RIMS2: variants seen among roughly 807,000 people sequenced by gnomAD.
RIMS2 encodes the protein regulating synaptic membrane exocytosis 2.
In RIMS2, 59 loss-of-function variants were observed where a neutral mutation model predicts 174.4. The ratio of observed to expected loss-of-function variants is 0.34; its 90% CI spans 0.27 to 0.42. The LOEUF (loss-of-function observed/expected upper bound fraction) is 0.42, where lower values mean the gene tolerates loss of function less well. RIMS2 is among the 10% of genes least tolerant of loss of function. RIMS2 has a pLI of 1.00. For missense variants in RIMS2, 1,620 were observed against 1,666.3 expected (o/e 0.97, Z 0.48); for synonymous variants, 606 against 572.5 (o/e 1.06, Z -0.84).
chr8:104,209,430 G>A (rs145922196), intron 19 of RIMS2, among the ~76,000 whole-genome samples: 347 of 152,254 alleles, frequency 2.3e-3, no homozygotes, highest in Non-Finnish European at 3.4e-3. Context: ...AAGGCAATAG[G>A]CTTAGAGGAA....
intron 4 of RIMS2, among the ~76,000 whole-genome samples, chr8:103,907,720 TG>T (rs1442037685): frequency 6.6e-6 from 1 of 151,700 alleles, no homozygotes; most frequent in Non-Finnish European, 1.5e-5. Context: ...TTGAATTTTT[TG>T]TTTTTTTTAT....
chr8:103,537,603 T>C (rs1303109111), intron 1 of RIMS2, among the ~76,000 whole-genome samples: 1 of 152,076 alleles, frequency 6.6e-6, no homozygotes, highest in African/African-American at 2.4e-5. Context: ...TTATATAAAA[T>C]GAGGATAATA....
At chr8:103,999,784 A>G (rs2095304951) in intron 17 of RIMS2, among the ~76,000 whole-genome samples, 1 of 151,680 alleles carries the variant, frequency 6.6e-6, no homozygotes, top group Non-Finnish European at 1.5e-5. Context: ...CCATTCAGCA[A>G]TGTAGCTAGA....
rs563524435 is a variant in RIMS2 at position 104,134,137 on chromosome 8, A to T, written c.3335-110779A>T. ...TAAAAGATAAAAATTTTAAAAAGTAAATGTTATTTCTCAACATAAGCCGCA... is the reference window on the plus strand; with the variant it reads ...TAAAAGATAAAAATTTTAAAAAGTATATGTTATTTCTCAACATAAGCCGCA... On this transcript the variant is annotated intron_variant, in intron 19 of 23. Coordinates refer to ENST00000504942, the Ensembl canonical transcript of RIMS2. 2.3e-4 allele frequency among the ~76,000 whole-genome samples: 35 copies of T among 152,270 alleles called. 2 individuals carry two copies. Among genetic ancestry groups the T allele is most frequent in the Admixed American group, 2.2e-3 (34 of 15,296 alleles).
At chr8:104,248,540 A>T (rs910491613) in intron 20 of RIMS2, among the ~76,000 whole-genome samples, 161 bp from the exon 27 acceptor site, 21 of 152,204 alleles carry the variant, frequency 1.4e-4, no homozygotes, top group African/African-American at 4.8e-4. Flanking sequence ...AATATGAAGG[A>T]AGAGTCCTGG....
intron 1 of RIMS2, among the ~76,000 whole-genome samples, chr8:103,595,782 A>G (rs905610584): frequency 2.6e-5 from 4 of 151,956 alleles, no homozygotes; most frequent in Non-Finnish European, 4.4e-5. Context: ...CAACCCTCCA[A>G]ATAGTATGGT....
chr8:104,202,014 T>C (rs1228496606), intron 19 of RIMS2, among the ~76,000 whole-genome samples: 1 of 152,164 alleles, frequency 6.6e-6, no homozygotes, highest in Non-Finnish European at 1.5e-5. Flanking sequence ...TTAGATAAAA[T>C]AGCGTCCTTA....
intron 3 of RIMS2, among the ~76,000 whole-genome samples, chr8:103,794,318 A>G (rs988486813): frequency 2.0e-5 from 3 of 152,198 alleles, no homozygotes; most frequent in Non-Finnish European, 2.9e-5. Context: ...ACGGAACAAA[A>G]ACAAGAAATG....
At chr8:103,966,276 G>C (rs2091802458) in intron 15 of RIMS2, among the ~76,000 whole-genome samples, 2 of 152,006 alleles carry the variant, frequency 1.3e-5, no homozygotes, top group South Asian at 4.1e-4. Context: ...CATTTTAGGA[G>C]GATATTAATT....
chr8:103,675,605 T>A (rs946836792), intron 1 of RIMS2, among the ~76,000 whole-genome samples: 1 of 152,226 alleles, frequency 6.6e-6, no homozygotes, highest in Admixed American at 6.5e-5. Context: ...AGCAGTTTTG[T>A]GACCTTGAAA....
intron 3 of RIMS2, chr8:103,819,710 T>G: frequency 1.9e-6 from 2 of 1,077,516 alleles, no homozygotes; most frequent in Non-Finnish European, 2.7e-6. Context: ...TTGTTTTGTA[T>G]TGAAGTGCTA....
intron 2 of RIMS2, among the ~76,000 whole-genome samples, chr8:103,724,909 G>A (rs1166183504): frequency 6.6e-6 from 1 of 152,098 alleles, no homozygotes; most frequent in Non-Finnish European, 1.5e-5. Context: ...CTGGTAGCTT[G>A]TAGCCATGGT....
intron 8 of RIMS2, among the ~76,000 whole-genome samples, chr8:103,917,271 A>G (rs1457193892): frequency 1.3e-5 from 2 of 152,298 alleles, no homozygotes; most frequent in African/African-American, 4.8e-5. Flanking sequence ...GTAGAATGGT[A>G]ATGTCCAGTT....
intron 3 of RIMS2, among the ~76,000 whole-genome samples, chr8:103,792,599 C>CA (rs1280395508): frequency 7.3e-6 from 1 of 136,624 alleles, no homozygotes; most frequent in Non-Finnish European, 1.6e-5. Context: ...GGTAGAGACA[C>CA]AAAAAACCCT....
At chr8:104,241,495 T>G (rs2099295042) in intron 19 of RIMS2, among the ~76,000 whole-genome samples, 1 of 152,092 alleles carries the variant, frequency 6.6e-6, no homozygotes, top group South Asian at 2.1e-4. Context: ...TATGATAGAG[T>G]CAGACCTTAA....
intron 19 of RIMS2, among the ~76,000 whole-genome samples, chr8:104,219,275 ATATT>A (rs994751350): frequency 4.1e-4 from 62 of 152,342 alleles, no homozygotes; most frequent in African/African-American, 1.5e-3. Context: ...AGTTAAAATC[ATATT>A]TATAATCTAT....
intron 1 of RIMS2, among the ~76,000 whole-genome samples, chr8:103,504,841 TC>T (rs1822548919): frequency 7.6e-6 from 1 of 131,470 alleles, no homozygotes; most frequent in African/African-American, 2.9e-5. Context: ...TTCTTTTCTT[TC>T]TTTCTTTTTT....
At chr8:104,063,364 G>C (rs1055005468) in intron 19 of RIMS2, among the ~76,000 whole-genome samples, 6 of 151,778 alleles carry the variant, frequency 4.0e-5, no homozygotes, top group Admixed American at 2.6e-4. Flanking sequence ...CCTTAGTTTT[G>C]TAAAGACATA....
At chr8:104,046,461 A>G (rs886929099) in intron 19 of RIMS2, among the ~76,000 whole-genome samples, 1 of 152,098 alleles carries the variant, frequency 6.6e-6, no homozygotes, top group African/African-American at 2.4e-5. Flanking sequence ...AGTGGCATAT[A>G]TGACATATTT....
Sources: allele counts gnomAD v4.1 joint callset (sites outside exome capture counted in the v4.1 genomes callset), GRCh38; gene constraint gnomAD v4.1.1; transcripts MANE v1.5; gene names NCBI Gene and HGNC (gene_info 2026-07-23, HGNC 2026-07-21).